Variants in MCPH1 observed in about 807,000 individuals in gnomAD.
MCPH1 encodes the protein microcephalin 1.
Under a neutral mutation model 84.5 loss-of-function variants are expected in MCPH1, and 104 were observed. That is an observed-to-expected ratio of 1.23 (90% confidence interval 1.05 to 1.45). MCPH1 has a LOEUF of 1.45. Ranked by LOEUF, MCPH1 falls within the 40% of genes most tolerant of loss-of-function variation. The probability of loss-of-function intolerance (pLI) is 0.00; values close to 1 mark genes in which losing one functional copy is unlikely to be tolerated. For missense variants in MCPH1, 1,498 were observed against 1,005.7 expected (o/e 1.49, Z -6.62); for synonymous variants, 514 against 366.8 (o/e 1.40, Z -4.58).
rs971640321 is a variant in MCPH1, at chr8:6,450,432, C to T, written c.1826-4711C>T. On this transcript the variant is annotated intron_variant, in intron 8 of 13. Coordinates refer to ENST00000344683, the MANE Select transcript of MCPH1 (RefSeq NM_024596.5). ...CACTCAGCACCAGACCATCGTGTAT[C>T]CTTTGACCCTGTGGTTTATTATAGG... Among the ~76,000 whole-genome samples, 2 of 150,936 alleles carry T rather than the reference C, an allele frequency of 1.3e-5. 1 individual carries two copies. The highest frequency in any genetic ancestry group is 4.9e-5 in the African/African-American group (2 of 40,960).
rs2011423 is a variant in MCPH1, at chr8:6,621,976, G to A, written c.2452+285G>A. 0.37 allele frequency: 163,164 copies of A among 446,896 alleles called. 30,580 individuals are homozygous for A. The highest frequency in any genetic ancestry group is 0.5 in the African/African-American group (24,923 of 49,768). 27.7% of individuals were successfully genotyped at this position (446,896 alleles called of 1,614,324 possible). A position where few individuals can be genotyped will look rare whatever the true frequency, so the allele number is the denominator to read the frequency against. On this transcript the variant is annotated intron_variant, in intron 13 of 13. Coordinates refer to ENST00000344683, the MANE Select transcript of MCPH1 (RefSeq NM_024596.5). ...AATCCAGGCTACCCAAAGCCACCCC[G>A]GGCCACCCCTGTGGGCACAGACTCT...
At chr8:6,562,655 G>A in intron 12 of MCPH1, 1 of 1,461,326 alleles carries the variant, frequency 6.8e-7, no homozygotes, top group South Asian at 1.2e-5. Flanking sequence ...ACCTTCATTA[G>A]CCACTGAGTG....
In MCPH1 at chr8:6,496,061, C is replaced by T. The variant is rs540300464; in HGVS notation, c.2137-3791C>T. On this transcript the variant is annotated intron_variant, in intron 11 of 13. Transcript: ENST00000344683. ...ATTCAAGCACATTACACTTATTGTACACTTTATTTCTATTATTATTACATT... is the reference window on the plus strand; with the variant it reads ...ATTCAAGCACATTACACTTATTGTATACTTTATTTCTATTATTATTACATT... Among the ~76,000 whole-genome samples the T allele has an allele frequency of 8.5e-5, 13 of 152,256 alleles. No homozygotes were observed. In the South Asian group the frequency reaches 2.7e-3, roughly 32 times the overall value.
At chr8:6,411,361 T>G (rs1260613878) in intron 2 of MCPH1, among the ~76,000 whole-genome samples, 1 of 152,028 alleles carries the variant, frequency 6.6e-6, no homozygotes, top group Non-Finnish European at 1.5e-5. Context: ...TAGAAATAAA[T>G]AAATAAATAA....
intron 12 of MCPH1, among the ~76,000 whole-genome samples, chr8:6,583,858 T>TG (rs1563155536): frequency 6.8e-6 from 1 of 147,780 alleles, no homozygotes; most frequent in African/African-American, 2.5e-5. Flanking sequence ...TCTTGTTTTG[T>TG]TTTTTTTTTT....
At chr8:6,557,276 G>A (rs535374913) in intron 12 of MCPH1, among the ~76,000 whole-genome samples, 2 of 152,160 alleles carry the variant, frequency 1.3e-5, no homozygotes, top group South Asian at 2.1e-4. Context: ...AGCATGCCCC[G>A]TGTTTATAAG....
intron 12 of MCPH1, among the ~76,000 whole-genome samples, chr8:6,522,446 A>G (rs1586336248): frequency 6.6e-6 from 1 of 152,010 alleles, no homozygotes; most frequent in African/African-American, 2.4e-5. Flanking sequence ...TATAGACATT[A>G]TTATTCCCAT....
intron 12 of MCPH1, among the ~76,000 whole-genome samples, chr8:6,585,789 C>G (rs1827929418): frequency 6.6e-6 from 1 of 152,186 alleles, no homozygotes; most frequent in South Asian, 2.1e-4. Context: ...TCCTTCATGA[C>G]CCACCATCCC....
At chr8:6,413,554 T>A (rs563517250) in intron 2 of MCPH1, among the ~76,000 whole-genome samples, 1 of 152,068 alleles carries the variant, frequency 6.6e-6, no homozygotes, top group South Asian at 2.1e-4. Flanking sequence ...TGGTCTGAGC[T>A]TCTGATGTTC....
At chr8:6,473,900 T>G (rs1585981686) in intron 9 of MCPH1, 1 of 1,539,130 alleles carries the variant, frequency 6.5e-7, no homozygotes, top group Middle Eastern at 1.8e-4. Context: ...ATCTACATTA[T>G]TTTCTAGCTC....
intron 13 of MCPH1, among the ~76,000 whole-genome samples, chr8:6,633,425 G>C (rs1797309192): frequency 6.6e-6 from 1 of 152,150 alleles, no homozygotes; most frequent in South Asian, 2.1e-4. Context: ...GTAAATAATA[G>C]TGGATTCAAG....
intron 12 of MCPH1, among the ~76,000 whole-genome samples, chr8:6,542,006 T>G (rs1350773115): frequency 9.0e-6 from 1 of 111,522 alleles, no homozygotes; most frequent in African/African-American, 3.6e-5. Flanking sequence ...AGACTCAATC[T>G]CAAAAAAAAA....
chr8:6,435,942 T>C, intron 4 of MCPH1, 106 bp from the exon 5 acceptor site: 1 of 1,371,384 alleles, frequency 7.3e-7, no homozygotes, highest in Non-Finnish European at 1.0e-6. Flanking sequence ...TTAGAATTTT[T>C]TATTACTGAT....
chr8:6,626,233 G>A (rs1397627917), intron 13 of MCPH1: 3 of 985,294 alleles, frequency 3.0e-6, no homozygotes, highest in African/African-American at 1.7e-5. Flanking sequence ...GTGGAGGTGT[G>A]AAGTCACTCA....
chr8:6,554,488 C>A (rs1824240243), intron 12 of MCPH1, among the ~76,000 whole-genome samples: 1 of 152,118 alleles, frequency 6.6e-6, no homozygotes, highest in South Asian at 2.1e-4. Flanking sequence ...CTTAGTATCT[C>A]ATCTCTTTAA....
chr8:6,530,316 T>C (rs1734723014), intron 12 of MCPH1, among the ~76,000 whole-genome samples: 1 of 152,090 alleles, frequency 6.6e-6, no homozygotes, highest in African/African-American at 2.4e-5. Flanking sequence ...GAGACCAGCC[T>C]GGCCAACGTG....
intron 12 of MCPH1, among the ~76,000 whole-genome samples, chr8:6,526,827 C>T (rs184978647): frequency 6.6e-6 from 1 of 152,202 alleles, no homozygotes; most frequent in Non-Finnish European, 1.5e-5. Flanking sequence ...AAATTATCCT[C>T]TTTTGTCCCA....
chr8:6,571,313 G>A (rs1311875009), intron 12 of MCPH1, among the ~76,000 whole-genome samples: 1 of 152,102 alleles, frequency 6.6e-6, no homozygotes, highest in Non-Finnish European at 1.5e-5. Flanking sequence ...CATGACCTGT[G>A]TTAAGTCAAA....
chr8:6,550,790 G>A (rs1291319567), intron 12 of MCPH1, among the ~76,000 whole-genome samples: 3 of 152,168 alleles, frequency 2.0e-5, no homozygotes, highest in African/African-American at 7.2e-5. Context: ...TACCCATATA[G>A]GACAAGCTGT....
Sources: gnomAD v4.1 joint callset for allele counts (sites outside exome capture counted in the v4.1 genomes callset) on GRCh38, gnomAD v4.1.1 for gene constraint, MANE v1.5 for transcripts, NCBI Gene and HGNC (gene_info 2026-07-23, HGNC 2026-07-21) for gene names.